The following ROS1 variants were observed in gnomAD, a reference collection of about 807,000 sequenced individuals.
ROS1 encodes the protein proto-oncogene tyrosine-protein kinase ROS.
ROS1 carries 263 observed loss-of-function variants against 273.5 expected under a neutral mutation model. The ratio of observed to expected loss-of-function variants is 0.96; its 90% CI spans 0.87 to 1.06. The LOEUF is 1.06. ROS1 is among the 50% of genes least tolerant of loss of function. The pLI, the probability that ROS1 is intolerant of heterozygous loss-of-function variation, is 0.00. For synonymous variants in ROS1, 1,008 were observed against 954.1 expected (o/e 1.06, Z -1.04); for missense variants, 2,833 against 2,751.1 (o/e 1.03, Z -0.67).
intron 43 of ROS1, among the ~76,000 whole-genome samples, chr6:117,290,601 C>G (rs1469650246): frequency 6.6e-6 from 1 of 152,140 alleles, no homozygotes; most frequent in African/African-American, 2.4e-5. Flanking sequence ...GGCTGACTGG[C>G]TATGTTTAGA....
At chr6:117,324,038 G>T (rs991545454) in intron 35 of ROS1, among the ~76,000 whole-genome samples, 2 of 152,112 alleles carry the variant, frequency 1.3e-5, no homozygotes, top group Admixed American at 6.6e-5. Context: ...CAGCCAATCA[G>T]AAATAAATAC....
intron 31 of ROS1, among the ~76,000 whole-genome samples, chr6:117,340,157 C>T (rs540922227): frequency 6.6e-6 from 1 of 152,158 alleles, no homozygotes; most frequent in East Asian, 1.9e-4. Flanking sequence ...TATAAGGTGG[C>T]AATTTTTTAA....
At chr6:117,424,276 G>A (rs1775978628) in intron 1 of ROS1, among the ~76,000 whole-genome samples, 1 of 151,706 alleles carries the variant, frequency 6.6e-6, no homozygotes, top group South Asian at 2.1e-4. Context: ...TAATGAAAAA[G>A]CTGGTTGCAT....
Position 117,336,168 on chromosome 6 carries a change from T to A in ROS1, c.5230+1004A>T, listed in dbSNP as rs919515180. Among the ~76,000 whole-genome samples, 7 of 152,076 alleles carry A rather than the reference T, an allele frequency of 4.6e-5. No homozygotes were observed. The East Asian group carries it at 7.7e-4, about 17-fold the overall frequency. On this transcript the variant is annotated intron_variant, in intron 32 of 43. Coordinates refer to ENST00000368507, the MANE Select transcript of ROS1 (RefSeq NM_001378902.1). ...TTTTCCCTCCATTCTTTTTTTCAAA[T>A]TTTTTTATTTTTAGTTCTGGGGTAC...
At chr6:117,329,664 C>T (rs1210911074) in intron 32 of ROS1, among the ~76,000 whole-genome samples, 1 of 152,042 alleles carries the variant, frequency 6.6e-6, no homozygotes, top group African/African-American at 2.4e-5. Context: ...TATCTAGATT[C>T]GCTCATCAAA....
chr6:117,421,724 T>G (rs376919367), intron 1 of ROS1, among the ~76,000 whole-genome samples: 32 of 152,200 alleles, frequency 2.1e-4, no homozygotes, highest in African/African-American at 6.8e-4. Context: ...TCATCTTACA[T>G]GCTTTTATGT....
chr6:117,298,170 C>G (rs1451980875), intron 43 of ROS1, among the ~76,000 whole-genome samples: 1 of 144,522 alleles, frequency 6.9e-6, no homozygotes, highest in Non-Finnish European at 1.6e-5. Context: ...ACAATGTGTA[C>G]ACATAGACTA....
At chr6:117,402,240 C>T (rs371160562) in intron 7 of ROS1, among the ~76,000 whole-genome samples, 1 of 152,160 alleles carries the variant, frequency 6.6e-6, no homozygotes, top group African/African-American at 2.4e-5. Flanking sequence ...TGTTCAGCCA[C>T]GTGGGCCTTC....
intron 32 of ROS1, among the ~76,000 whole-genome samples, chr6:117,335,557 C>T (rs1249464821): frequency 6.6e-6 from 1 of 152,132 alleles, no homozygotes; most frequent in Non-Finnish European, 1.5e-5. Context: ...TACTGCAGCA[C>T]TGTTTACAAT....
chr6:117,383,533 G>A (rs770025234), intron 16 of ROS1, 25 bp from the exon 17 acceptor site: 3 of 1,534,890 alleles, frequency 2.0e-6, no homozygotes, highest in Admixed American at 1.7e-5. Flanking sequence ...TGTATGGCCA[G>A]TTAATGGCTT....
At chr6:117,388,622 G>A (rs1286329329) in intron 13 of ROS1, among the ~76,000 whole-genome samples, 1 of 152,142 alleles carries the variant, frequency 6.6e-6, no homozygotes, top group African/African-American at 2.4e-5. Context: ...ATCTATGACT[G>A]TCTTCACACT....
chr6:117,334,316 C>G (rs1453550162), intron 32 of ROS1, among the ~76,000 whole-genome samples: 1 of 152,128 alleles, frequency 6.6e-6, no homozygotes, highest in Non-Finnish European at 1.5e-5. Flanking sequence ...TCAAGGAAAA[C>G]TACAAACCAT....
chr6:117,361,915 G>C (rs1779833230), intron 22 of ROS1, among the ~76,000 whole-genome samples: 1 of 151,914 alleles, frequency 6.6e-6, no homozygotes, highest in Admixed American at 6.6e-5. Context: ...TATAGTATGA[G>C]GATCAAATGA....
At chr6:117,341,056 G>A (rs1180041384) in intron 31 of ROS1, 79 bp downstream of exon 31, 2 of 859,874 alleles carry the variant, frequency 2.3e-6, no homozygotes, top group African/African-American at 1.7e-5. Context: ...ATTTATACAT[G>A]AGCATGTTCT....
At chr6:117,348,185 A>G (rs1778527859) in intron 27 of ROS1, among the ~76,000 whole-genome samples, 2 of 152,150 alleles carry the variant, frequency 1.3e-5, no homozygotes. Flanking sequence ...AATGTTTGAT[A>G]GAATGCATCA....
chr6:117,290,605 G>T (rs1012988569), intron 43 of ROS1, among the ~76,000 whole-genome samples: 3 of 152,170 alleles, frequency 2.0e-5, no homozygotes, highest in East Asian at 3.9e-4. Context: ...GACTGGCTAT[G>T]TTTAGAACAG....
rs941212932 is a variant in ROS1 at position 117,337,888 on chromosome 6, G to A, written c.5062-548C>T. Among the ~76,000 whole-genome samples the A allele has an allele frequency of 3.9e-5, 6 of 151,966 alleles. No homozygotes were observed. In the East Asian group the frequency reaches 9.6e-4, roughly 24 times the overall value. On this transcript the variant is annotated intron_variant, in intron 31 of 43. Coordinates refer to ENST00000368507, the MANE Select transcript of ROS1 (RefSeq NM_001378902.1). Reference sequence around the variant, plus strand: ...AATTCTTTATTTTTATATACTGGAAGCCTACATAGCCAAAAGAAGAAAAAT... The same window carrying A: ...AATTCTTTATTTTTATATACTGGAAACCTACATAGCCAAAAGAAGAAAAAT...
intron 42 of ROS1, among the ~76,000 whole-genome samples, chr6:117,306,317 C>A (rs1421646730): frequency 6.6e-6 from 1 of 151,998 alleles, no homozygotes; most frequent in African/African-American, 2.4e-5. Flanking sequence ...ACATGGTGAA[C>A]CTCTGTGTTC....
intron 4 of ROS1, among the ~76,000 whole-genome samples, chr6:117,413,872 T>C (rs1192517448): frequency 6.6e-6 from 1 of 152,010 alleles, no homozygotes; most frequent in Admixed American, 6.5e-5. Flanking sequence ...CCCCAGCTAC[T>C]CAGAAAGTTG....
Sources: gnomAD v4.1 joint callset for allele counts (sites outside exome capture counted in the v4.1 genomes callset) on GRCh38, gnomAD v4.1.1 for gene constraint, MANE v1.5 for transcripts, NCBI Gene and HGNC (gene_info 2026-07-23, HGNC 2026-07-21) for gene names.